JAKMIP1: variants seen among roughly 807,000 people sequenced by gnomAD.
The protein encoded by JAKMIP1 is janus kinase and microtubule-interacting protein 1.
Under a neutral mutation model 113.0 loss-of-function variants are expected in JAKMIP1, and 33 were observed. That is an observed-to-expected ratio of 0.29 (90% CI 0.22 to 0.39). The LOEUF (loss-of-function observed/expected upper bound fraction) is 0.39, where lower values mean the gene tolerates loss of function less well. Ranked by LOEUF, JAKMIP1 falls within the 10% of genes least tolerant of loss-of-function variation. JAKMIP1 has a pLI of 1.00. For missense variants in JAKMIP1, 813 were observed against 1,080.5 expected (o/e 0.75, Z 3.47); for synonymous variants, 480 against 459.9 (o/e 1.04, Z -0.56).
At chr4:6,115,855 T>G (rs1715675553) in intron 1 of JAKMIP1, among the ~76,000 whole-genome samples, 1 of 152,188 alleles carries the variant, frequency 6.6e-6, no homozygotes, top group Non-Finnish European at 1.5e-5. Context: ...GCTGCAGGTC[T>G]GCCAACTCTT....
chr4:6,098,659 G>A lies in JAKMIP1; in HGVS notation c.624+6814C>T, dbSNP rs1473640906. Among the ~76,000 whole-genome samples, 114 of 121,018 alleles carry A rather than the reference G, an allele frequency of 9.4e-4. 1 individual carries two copies. The highest frequency in any genetic ancestry group is 4.3e-3 in the Middle Eastern group (1 of 230). 79.4% of individuals were successfully genotyped at this position (121,018 alleles called of 152,430 possible). On this transcript the variant is annotated intron_variant, in intron 3 of 20. Coordinates refer to ENST00000409021, the MANE Select transcript of JAKMIP1 (RefSeq NM_001099433.2). ...AGAAAAGAAAGAAAGGAAAGGAAAGGAAGAAAGAGAGAGAAAGAAAGAAAG... is the reference window on the plus strand; with the variant it reads ...AGAAAAGAAAGAAAGGAAAGGAAAGAAAGAAAGAGAGAGAAAGAAAGAAAG...
chr4:6,103,767 G>T (rs1204466010), intron 3 of JAKMIP1, among the ~76,000 whole-genome samples: 1 of 152,116 alleles, frequency 6.6e-6, no homozygotes, highest in Non-Finnish European at 1.5e-5. Flanking sequence ...ATTTTATCGA[G>T]GTTTCAAGTT....
chr4:6,080,889 G>A lies in JAKMIP1; in HGVS notation c.1102-577C>T, dbSNP rs1560154006. Among the ~76,000 whole-genome samples the A allele has an allele frequency of 2.0e-5, 3 of 152,146 alleles. No homozygotes were observed. ...ATGCACACTGCTGACAGGAAGGGAT[G>A]CGCAGGGCCTGGGGGTGGAAGACGA... On this transcript the variant is annotated intron_variant, in intron 6 of 20. Coordinates refer to ENST00000409021, the MANE Select transcript of JAKMIP1 (RefSeq NM_001099433.2). This position sits in a 1 kb window ranked among gnomAD's most constrained non-coding sequence, Gnocchi z 6.0.
At position 6,192,448 on chromosome 4, in the gene JAKMIP1, CG is replaced by C. The variant is rs1347055492; in HGVS notation, c.-148+7804del. Among the ~76,000 whole-genome samples the C allele has an allele frequency of 6.6e-6, 1 of 152,144 alleles. No homozygotes were observed. Among genetic ancestry groups the C allele is most frequent in the East Asian group, 1.9e-4 (1 of 5,190 alleles). On this transcript the variant is annotated intron_variant, in intron 1 of 20. Transcript: ENST00000409021. The surrounding 1 kb of genome is among the most constrained non-coding windows in gnomAD (Gnocchi z 5.0). ...CCACAAGTAACACCAGCAGCAGCAC[CG>C]GCTGACAAACACCCACTGCACGCAG... is the stretch of plus-strand genomic sequence containing the variant.
intron 8 of JAKMIP1, 113 bp downstream of exon 8, chr4:6,078,824 ATG>A: frequency 7.9e-6 from 7 of 886,556 alleles, no homozygotes; most frequent in South Asian, 5.6e-5. Flanking sequence ...GCATGCAGAG[ATG>A]TGTGTGTCTG....
rs1717974516 is a variant in JAKMIP1 at position 6,065,770 on chromosome 4, A to G, written c.1303-762T>C. 6.6e-6 allele frequency among the ~76,000 whole-genome samples: 1 copy of G among 152,170 alleles called. No homozygotes were observed. Among genetic ancestry groups the G allele is most frequent in the African/African-American group, 2.4e-5 (1 of 41,454 alleles). On this transcript the variant is annotated intron_variant, in intron 8 of 20. Coordinates refer to ENST00000409021, the MANE Select transcript of JAKMIP1 (RefSeq NM_001099433.2). The surrounding 1 kb of genome is among the most constrained non-coding windows in gnomAD (Gnocchi z 5.1). ...TGCTGGCACTTCTCCCACTCCAAAT[A>G]TCATAGGATATGGGGCTTCATTCAT... is the stretch of plus-strand genomic sequence containing the variant.
At chr4:6,169,319 A>G (rs1724043033) in intron 1 of JAKMIP1, among the ~76,000 whole-genome samples, 2 of 152,134 alleles carry the variant, frequency 1.3e-5, no homozygotes, top group Non-Finnish European at 2.9e-5. Context: ...TATTCAGTAC[A>G]GCTGGGGTCC....
rs1720345342 is a variant in JAKMIP1, at chr4:6,080,463, C to T, written c.1102-151G>A. The T allele has an allele frequency of 2.2e-6, 2 of 917,588 alleles. No individual in the cohort carries two copies. Among genetic ancestry groups the T allele is most frequent in the Non-Finnish European group, 3.2e-6 (2 of 628,482 alleles). The allele number at this position is 917,588 out of a possible 1,614,324, so 56.8% of individuals were successfully genotyped here. A position where few individuals can be genotyped will look rare whatever the true frequency, so the allele number is the denominator to read the frequency against. On this transcript the variant is annotated intron_variant, in intron 6 of 20. Coordinates refer to ENST00000409021, the MANE Select transcript of JAKMIP1 (RefSeq NM_001099433.2). The surrounding 1 kb of genome is among the most constrained non-coding windows in gnomAD (Gnocchi z 6.0). ...GCCTGATATGGTTTGGCTGTGTCCCCACCCAAATCTCATCTTGAATTGCGG... is the reference window on the plus strand; with the variant it reads ...GCCTGATATGGTTTGGCTGTGTCCCTACCCAAATCTCATCTTGAATTGCGG...
At chr4:6,026,314 G>A (rs1248577820) in intron 20 of JAKMIP1, 36 bp from the exon 21 acceptor site, 1 of 1,055,534 alleles carries the variant, frequency 9.5e-7, no homozygotes, top group East Asian at 2.6e-5. Flanking sequence ...GAGGAAAAGA[G>A]AAGAAAAAGA....
In JAKMIP1 at chr4:6,129,192, C is replaced by T. The variant is rs1355776046; in HGVS notation, c.-147-16195G>A. On this transcript the variant is annotated intron_variant, in intron 1 of 20. Transcript: ENST00000409021. The surrounding 1 kb of genome is among the most constrained non-coding windows in gnomAD (Gnocchi z 5.4). ...GTTCAGGCAGGAGGACACACGCCAT[C>T]CAGCCATCAAGGGACACAGGTTTCC... Among the ~76,000 whole-genome samples, 1 of 152,220 alleles carries T rather than the reference C, an allele frequency of 6.6e-6. No homozygotes were observed. The highest frequency in any genetic ancestry group is 1.5e-5 in the Non-Finnish European group (1 of 68,048).
intron 5 of JAKMIP1, among the ~76,000 whole-genome samples, chr4:6,083,421 T>C (rs533731197): frequency 1.3e-5 from 2 of 149,946 alleles, no homozygotes; most frequent in South Asian, 2.1e-4. Context: ...AAAAAAAAGA[T>C]TGAAGCGTTG....
chr4:6,152,000 G>C (rs1721624177), intron 1 of JAKMIP1, among the ~76,000 whole-genome samples: 1 of 152,116 alleles, frequency 6.6e-6, no homozygotes, highest in Non-Finnish European at 1.5e-5. Context: ...CACTATGCCT[G>C]ATACACTGTT....
Position 6,080,550 on chromosome 4 carries a change from G to C in JAKMIP1, c.1102-238C>G, listed in dbSNP as rs375903177. Among the ~76,000 whole-genome samples, 128 of 152,154 alleles carry C rather than the reference G, an allele frequency of 8.4e-4. No homozygotes were observed. The highest frequency in any genetic ancestry group is 2.8e-3 in the African/African-American group (115 of 41,518). Reference sequence around the variant, plus strand: ...TGGGAGATCATTGAATCATGGTGGCGGTTTCTCTCATACTATTCTCGTGGT... The same window carrying C: ...TGGGAGATCATTGAATCATGGTGGCCGTTTCTCTCATACTATTCTCGTGGT... On this transcript the variant is annotated intron_variant, in intron 6 of 20. Transcript: ENST00000409021. This position sits in a 1 kb window ranked among gnomAD's most constrained non-coding sequence, Gnocchi z 6.0.
chr4:6,061,299 T>C lies in JAKMIP1; in HGVS notation c.1561-792A>G, dbSNP rs1028167157. Among the ~76,000 whole-genome samples, 5 of 152,196 alleles carry C rather than the reference T, an allele frequency of 3.3e-5. No homozygotes were observed. Among genetic ancestry groups the C allele is most frequent in the African/African-American group, 1.2e-4 (5 of 41,444 alleles). On this transcript the variant is annotated intron_variant, in intron 10 of 20. Transcript: ENST00000409021. This position sits in a 1 kb window ranked among gnomAD's most constrained non-coding sequence, Gnocchi z 5.3. Reference sequence around the variant, plus strand: ...CTCCTCTGACCTAGATGACAAAGACTGGGCCTTTTATGGTGGGACAAGCAG... The same window carrying C: ...CTCCTCTGACCTAGATGACAAAGACCGGGCCTTTTATGGTGGGACAAGCAG...
intron 1 of JAKMIP1, among the ~76,000 whole-genome samples, chr4:6,130,277 AG>A (rs1718315191): frequency 6.6e-6 from 1 of 152,266 alleles, no homozygotes; most frequent in East Asian, 1.9e-4. Context: ...TAAGGAGCTT[AG>A]AAGCATGACT....
intron 1 of JAKMIP1, among the ~76,000 whole-genome samples, chr4:6,169,086 A>G (rs538739642): frequency 1.1e-4 from 17 of 152,270 alleles, no homozygotes; most frequent in Non-Finnish European, 2.1e-4. Flanking sequence ...ATATATTAAG[A>G]ATAGCTTAAT....
rs1376803210 is a variant in JAKMIP1 at position 6,194,045 on chromosome 4, C to T, written c.-148+6208G>A. On this transcript the variant is annotated intron_variant, in intron 1 of 20. Transcript: ENST00000409021. This position sits in a 1 kb window ranked among gnomAD's most constrained non-coding sequence, Gnocchi z 7.4. ...AAATATCAGGCTAAGTGGAAGAAGCCAGCCACATACGATCTGGTTCTACAT... is the reference window on the plus strand; with the variant it reads ...AAATATCAGGCTAAGTGGAAGAAGCTAGCCACATACGATCTGGTTCTACAT... Among the ~76,000 whole-genome samples the T allele has an allele frequency of 1.3e-5, 2 of 152,018 alleles. No homozygotes were observed. Among genetic ancestry groups the T allele is most frequent in the Admixed American group, 1.3e-4 (2 of 15,256 alleles).
At chr4:6,083,831 G>A (rs1197311517) in intron 5 of JAKMIP1, among the ~76,000 whole-genome samples, 1 of 151,950 alleles carries the variant, frequency 6.6e-6, no homozygotes, top group Non-Finnish European at 1.5e-5. Flanking sequence ...AATTAGTTTT[G>A]CTGTTATCCA....
At chr4:6,111,783 G>C (rs1490933808) in intron 2 of JAKMIP1, among the ~76,000 whole-genome samples, 1 of 152,198 alleles carries the variant, frequency 6.6e-6, no homozygotes, top group East Asian at 1.9e-4. Flanking sequence ...CCTTAGGAGA[G>C]AGGAAAGTAG....
Sources: allele counts gnomAD v4.1 joint callset (sites outside exome capture counted in the v4.1 genomes callset), GRCh38; gene constraint gnomAD v4.1.1; non-coding constraint Gnocchi (gnomAD v3.1); transcripts MANE v1.5; gene names NCBI Gene and HGNC (gene_info 2026-07-23, HGNC 2026-07-21).